Variants in TMTC1 observed in about 807,000 individuals in gnomAD.
The protein encoded by TMTC1 is transmembrane O-mannosyltransferase targeting cadherins 1.
A neutral mutation model predicts 104.8 loss-of-function variants in TMTC1; 73 were observed. That is an observed-to-expected ratio of 0.70 (90% CI 0.58 to 0.85). TMTC1 has a LOEUF of 0.85. Ranked by LOEUF, TMTC1 falls within the 40% of genes least tolerant of loss-of-function variation. The pLI is 0.00. For synonymous variants in TMTC1, 434 were observed against 428.7 expected, an observed-to-expected ratio of 1.01 and a Z score of -0.15; for missense variants, 1,035 against 1,096.1, an observed-to-expected ratio of 0.94 and a Z score of 0.79.
intron 5 of TMTC1, among the ~76,000 whole-genome samples, chr12:29,697,140 T>C (rs771651359): frequency 3.9e-5 from 6 of 152,168 alleles, no homozygotes; most frequent in Non-Finnish European, 8.8e-5. Flanking sequence ...GTCAAGTGAA[T>C]GAAGGAAAAA....
chr12:29,543,821 G>T (rs1944868135), intron 10 of TMTC1, among the ~76,000 whole-genome samples: 1 of 152,132 alleles, frequency 6.6e-6, no homozygotes, highest in Admixed American at 6.5e-5. Context: ...GCACACCTGG[G>T]AAATGTAATG....
At chr12:29,547,771 C>T (rs1216448757) in intron 10 of TMTC1, among the ~76,000 whole-genome samples, 2 of 152,156 alleles carry the variant, frequency 1.3e-5, no homozygotes, top group Non-Finnish European at 2.9e-5. Context: ...CATTTGGACT[C>T]TATGTGTGTA....
At chr12:29,558,488 C>T (rs867572748) in intron 9 of TMTC1, among the ~76,000 whole-genome samples, 1 of 152,220 alleles carries the variant, frequency 6.6e-6, no homozygotes, top group Non-Finnish European at 1.5e-5. Flanking sequence ...TACTCCCTTA[C>T]AGAACAGCTA....
chr12:29,778,184 G>A (rs1168625662), intron 1 of TMTC1, among the ~76,000 whole-genome samples: 4 of 152,080 alleles, frequency 2.6e-5, no homozygotes, highest in African/African-American at 9.7e-5. Flanking sequence ...AAGCATTATA[G>A]CAAATATAAT....
chr12:29,550,933 CAAAAAAAAAAAAAAAAAAAAAAAAAAA>C (rs200605964), intron 10 of TMTC1, among the ~76,000 whole-genome samples: 2 of 108,334 alleles, frequency 1.8e-5, no homozygotes, highest in African/African-American at 7.9e-5. Flanking sequence ...GACTCCATCT[CAAAAAAAAAAAAAAAAAAAAAAAAAAA>C]AAAAAAAAAA....
intron 5 of TMTC1, among the ~76,000 whole-genome samples, chr12:29,723,714 C>T (rs995074519): frequency 1.3e-5 from 2 of 151,818 alleles, no homozygotes; most frequent in African/African-American, 4.8e-5. Context: ...TCTCTACTGT[C>T]TGTAAGGAAA....
chr12:29,523,752 G>A (rs751343639), intron 11 of TMTC1, among the ~76,000 whole-genome samples: 9 of 151,884 alleles, frequency 5.9e-5, no homozygotes, highest in Admixed American at 1.3e-4. Flanking sequence ...TCTCTGTGTT[G>A]GAATCTCTTG....
chr12:29,736,608 CAG>C (rs1220591681), intron 5 of TMTC1, among the ~76,000 whole-genome samples: 3 of 152,128 alleles, frequency 2.0e-5, no homozygotes, highest in African/African-American at 7.2e-5. Context: ...TTAGTAGAGA[CAG>C]GGTTTTGCCA....
intron 6 of TMTC1, among the ~76,000 whole-genome samples, chr12:29,620,140 G>A (rs1040737860): frequency 6.6e-6 from 1 of 152,212 alleles, no homozygotes. Flanking sequence ...TTTAAGCTGT[G>A]AGAATTTCAT....
chr12:29,612,173 G>A (rs1358033163), intron 6 of TMTC1, among the ~76,000 whole-genome samples: 18 of 152,146 alleles, frequency 1.2e-4, no homozygotes, highest in Admixed American at 1.2e-3. Flanking sequence ...CTTCATAGCA[G>A]AAACACACTG....
intron 11 of TMTC1, among the ~76,000 whole-genome samples, chr12:29,531,654 A>T (rs974254079): frequency 2.0e-5 from 3 of 152,128 alleles, no homozygotes; most frequent in African/African-American, 7.2e-5. Flanking sequence ...GCCAGTTCTG[A>T]ATGCTGATGG....
At chr12:29,565,368 A>C (rs1324598480) in intron 9 of TMTC1, among the ~76,000 whole-genome samples, 1 of 152,210 alleles carries the variant, frequency 6.6e-6, no homozygotes, top group African/African-American at 2.4e-5. Context: ...CCAAATATCT[A>C]GGTATCATGG....
chr12:29,722,623 G>T (rs1942267082), intron 5 of TMTC1, among the ~76,000 whole-genome samples: 1 of 152,096 alleles, frequency 6.6e-6, no homozygotes, highest in African/African-American at 2.4e-5. Context: ...TGAACTGTTA[G>T]AACTAGAAAG....
intron 15 of TMTC1, among the ~76,000 whole-genome samples, chr12:29,515,983 TC>T (rs1472165606): frequency 6.6e-6 from 1 of 151,214 alleles, no homozygotes; most frequent in East Asian, 2.0e-4. Flanking sequence ...TTTTATGTAA[TC>T]CTCATAACAA....
intron 6 of TMTC1, among the ~76,000 whole-genome samples, chr12:29,623,278 T>C (rs1937775481): frequency 6.6e-6 from 1 of 152,254 alleles, no homozygotes; most frequent in Non-Finnish European, 1.5e-5. Flanking sequence ...CTGTTTTACA[T>C]GACTTAATTT....
intron 17 of TMTC1, among the ~76,000 whole-genome samples, chr12:29,508,440 A>G (rs1943747991): frequency 6.6e-6 from 1 of 152,162 alleles, no homozygotes; most frequent in Non-Finnish European, 1.5e-5. Flanking sequence ...ATTGCTTTTG[A>G]AATGATTCTT....
rs938933739 is a variant in TMTC1, at chr12:29,503,033, G to A, written c.*3813C>T. On this transcript the variant is annotated 3_prime_UTR_variant, in exon 18 of 18. Coordinates refer to ENST00000539277, the MANE Select transcript of TMTC1 (RefSeq NM_001193451.2). The stretch of plus-strand genomic sequence containing the variant: ...TTCGCCTCAGAGTACAGTTATTGTG[G>A]GTCAGTTTTGATAGGACAGTTTGGA... The A allele has an allele frequency of 2.0e-5, 3 of 152,154 alleles. No homozygotes were observed. The highest frequency in any genetic ancestry group is 4.8e-5 in the African/African-American group (2 of 41,424). The allele number at this position is 152,154 out of a possible 1,614,324, so 9.4% of individuals were successfully genotyped here.
In TMTC1 at chr12:29,767,681, G is replaced by A. The variant is rs10743674; in HGVS notation, c.480+217C>T. ...AAAAGGAAAAGTTGTCAACCAAAATGCTTTATATATAAACATAAACACTTT... is the reference window on the plus strand; with the variant it reads ...AAAAGGAAAAGTTGTCAACCAAAATACTTTATATATAAACATAAACACTTT... On this transcript the variant is annotated intron_variant, in intron 2 of 17. Transcript: ENST00000539277. Among the ~76,000 whole-genome samples, 59,757 of 151,658 alleles carry A rather than the reference G, an allele frequency of 0.39. 12,254 individuals are homozygous for A. The highest frequency in any genetic ancestry group is 0.54 in the Admixed American group (8,282 of 15,242).
At chr12:29,660,793 T>C in intron 5 of TMTC1, 1 of 1,118,034 alleles carries the variant, frequency 8.9e-7, no homozygotes, top group South Asian at 1.8e-5. Context: ...TATATATATA[T>C]ATATACTTAC....
Sources: allele counts gnomAD v4.1 joint callset (sites outside exome capture counted in the v4.1 genomes callset), GRCh38; gene constraint gnomAD v4.1.1; transcripts MANE v1.5; gene names NCBI Gene and HGNC (gene_info 2026-07-23, HGNC 2026-07-21).